Variants in CACNA1A observed in about 807,000 individuals in gnomAD.
The protein encoded by CACNA1A is calcium voltage-gated channel subunit alpha1 A, also known as voltage-dependent P/Q-type calcium channel subunit alpha-1A.
Under a neutral mutation model 262.4 loss-of-function variants are expected in CACNA1A, and 57 were observed. The observed-to-expected ratio is 0.22, with a 90% CI of 0.18 to 0.27. The LOEUF is 0.27. CACNA1A is among the 10% of genes least tolerant of loss of function. The pLI is 1.00. For synonymous variants in CACNA1A, 1,431 were observed against 1,419.3 expected (o/e 1.01, Z -0.18); for missense variants, 2,526 against 3,562.8 (o/e 0.71, Z 7.41).
At chr19:13,384,775 T>G (rs1186817810) in intron 3 of CACNA1A, among the ~76,000 whole-genome samples, 1 of 152,128 alleles carries the variant, frequency 6.6e-6, no homozygotes, top group Non-Finnish European at 1.5e-5. Context: ...GAGAGGTCAC[T>G]GGTCTCCAGG....
chr19:13,381,248 A>T (rs2059519305), intron 3 of CACNA1A, among the ~76,000 whole-genome samples: 1 of 152,072 alleles, frequency 6.6e-6, no homozygotes, highest in Non-Finnish European at 1.5e-5. Context: ...AATTAAAAAA[A>T]TGGGCGGGGC....
At chr19:13,285,310 A>C in intron 20 of CACNA1A, 104 bp from the exon 21 acceptor site, 2 of 1,293,668 alleles carry the variant, frequency 1.5e-6, no homozygotes, top group African/African-American at 2.9e-5. Context: ...TGACATTTCT[A>C]AAGTGCCTGC....
intron 3 of CACNA1A, among the ~76,000 whole-genome samples, chr19:13,413,899 G>GA (rs1393519384): frequency 0.025 from 795 of 31,988 alleles, 32 homozygotes; most frequent in East Asian, 0.066. Context: ...GAAAGAAAAA[G>GA]AAAGAAAGAA....
At chr19:13,375,481 G>A (rs1358104765) in intron 3 of CACNA1A, among the ~76,000 whole-genome samples, 1 of 152,100 alleles carries the variant, frequency 6.6e-6, no homozygotes, top group Non-Finnish European at 1.5e-5. Flanking sequence ...ACACAGTGAG[G>A]AAGGCGTGTC....
chr19:13,433,436 C>T (rs897594540), intron 3 of CACNA1A, among the ~76,000 whole-genome samples: 3 of 126,022 alleles, frequency 2.4e-5, no homozygotes, highest in East Asian at 5.0e-4. Context: ...ACTCCAGCCT[C>T]GGCAACAAAG....
At chr19:13,268,945 T>C (rs1436234643) in intron 24 of CACNA1A, among the ~76,000 whole-genome samples, 1 of 144,818 alleles carries the variant, frequency 6.9e-6, no homozygotes, top group Non-Finnish European at 1.5e-5. Flanking sequence ...GTTGCCAGGC[T>C]GCCTCAGCCT....
At chr19:13,283,126 C>T in intron 22 of CACNA1A, 141 bp downstream of exon 22, 2 of 966,202 alleles carry the variant, frequency 2.1e-6, no homozygotes, top group Non-Finnish European at 3.0e-6. Context: ...TCAGAGCTTC[C>T]CCTCTCAACC....
At chr19:13,391,652 T>C (rs183398072) in intron 3 of CACNA1A, among the ~76,000 whole-genome samples, 2 of 152,162 alleles carry the variant, frequency 1.3e-5, no homozygotes, top group Non-Finnish European at 2.9e-5. Flanking sequence ...GTCCTAGCAC[T>C]TTGGGAGGCT....
rs780908964 is a variant in CACNA1A at position 13,294,487 on chromosome 19, C to CTTT, written c.3089+4054_3089+4056dup. Among the ~76,000 whole-genome samples the CTTT allele has an allele frequency of 1.8e-3, 128 of 72,524 alleles. 16 individuals are homozygous for CTTT. Among genetic ancestry groups the CTTT allele is most frequent in the African/African-American group, 7.1e-3 (109 of 15,308 alleles). The allele number at this position is 72,524 out of a possible 152,430, so 47.6% of individuals were successfully genotyped here. A position where few individuals can be genotyped will look rare whatever the true frequency, so the allele number is the denominator to read the frequency against. On this transcript the variant is annotated intron_variant, in intron 19 of 46. Transcript: ENST00000360228. The stretch of plus-strand genomic sequence containing the variant: ...TACAGGTGCATACCACTGTACCTGG[C>CTTT]TTTTTTTTTTTTTTTTTTTTTTTGA...
Position 13,238,911 on chromosome 19 carries a change from C to T in CACNA1A, c.4951-3181G>A, listed in dbSNP as rs113727918. Reference sequence around the variant, plus strand: ...CTATCTCCCAGTTTTAAGCCAGACCCGACTGCTCCCAGGCACCTCATCTCA... The same window carrying T: ...CTATCTCCCAGTTTTAAGCCAGACCTGACTGCTCCCAGGCACCTCATCTCA... On this transcript the variant is annotated intron_variant, in intron 31 of 46. Coordinates refer to ENST00000360228, the MANE Select transcript of CACNA1A (RefSeq NM_001127222.2). Among the ~76,000 whole-genome samples, 192 of 152,108 alleles carry T rather than the reference C, an allele frequency of 1.3e-3. 3 individuals are homozygous for T. Among genetic ancestry groups the T allele is most frequent in the African/African-American group, 4.5e-3 (185 of 41,532 alleles).
At chr19:13,223,265 C>T (rs2055304296) in intron 38 of CACNA1A, among the ~76,000 whole-genome samples, 1 of 152,132 alleles carries the variant, frequency 6.6e-6, no homozygotes, top group South Asian at 2.1e-4. Flanking sequence ...GTGATCTCGG[C>T]TCACTGCAAC....
chr19:13,402,873 C>CATATATATATATATAT (rs71170507), intron 3 of CACNA1A, among the ~76,000 whole-genome samples: 1 of 72,824 alleles, frequency 1.4e-5, no homozygotes, highest in Admixed American at 1.6e-4. Context: ...CACACACACA[C>CATATATATATATATAT]ATATATATAT....
rs1389225029 is a variant in CACNA1A, at chr19:13,291,678, G to A, written c.3090-4712C>T. 4.6e-5 allele frequency among the ~76,000 whole-genome samples: 7 copies of A among 150,788 alleles called. No homozygotes were observed. The South Asian group carries it at 1.3e-3, about 27-fold the overall frequency. ...AAAAATTAGCTGGGCGTAGTTGCAC[G>A]AGACTGTTGTTCCAGTTACTTGGGA... On this transcript the variant is annotated intron_variant, in intron 19 of 46. Coordinates refer to ENST00000360228, the MANE Select transcript of CACNA1A (RefSeq NM_001127222.2).
At chr19:13,312,443 G>A (rs191101136) in intron 12 of CACNA1A, among the ~76,000 whole-genome samples, 78 of 152,298 alleles carry the variant, frequency 5.1e-4, no homozygotes, top group Non-Finnish European at 5.3e-4. Context: ...CCCCCACTTA[G>A]CTTTCCAAAG....
chr19:13,212,639 T>C lies in CACNA1A; in HGVS notation c.6042A>G (p.Gly2014=). The change falls in exon 41 of 47, where the codon GGA becomes GGG. Residue 2014 remains glycine (G), a synonymous_variant. Transcript: ENST00000360228. This position sits in a 1 kb window ranked among gnomAD's most constrained non-coding sequence, Gnocchi z 5.6. ...NALPSTQLDP[G]GALMAHESGL... ...GCAGGGGTGACACTCACAGGGCTCCTCCTGGGTCCAGCTGGGTGGAGGGGA... is the reference window on the plus strand; with the variant it reads ...GCAGGGGTGACACTCACAGGGCTCCCCCTGGGTCCAGCTGGGTGGAGGGGA... The C allele has an allele frequency of 6.6e-7, 1 of 1,520,742 alleles. No homozygotes were observed. Among genetic ancestry groups the C allele is most frequent in the Non-Finnish European group, 8.8e-7 (1 of 1,130,366 alleles). 94.2% of individuals were successfully genotyped at this position (1,520,742 alleles called of 1,614,324 possible).
At chr19:13,486,360 T>C (rs1231259828) in intron 1 of CACNA1A, among the ~76,000 whole-genome samples, 2 of 81,226 alleles carry the variant, frequency 2.5e-5, no homozygotes, top group South Asian at 8.0e-4. Flanking sequence ...TCTCTAGGTT[T>C]GTTCTGTCTC....
chr19:13,378,401 C>A (rs1318407961), intron 3 of CACNA1A, among the ~76,000 whole-genome samples: 1 of 152,128 alleles, frequency 6.6e-6, no homozygotes, highest in Non-Finnish European at 1.5e-5. Flanking sequence ...GAAAAAAGTT[C>A]TACTGTGGGT....
chr19:13,264,433 T>G (rs4926245), intron 24 of CACNA1A, among the ~76,000 whole-genome samples: 4 of 152,242 alleles, frequency 2.6e-5, no homozygotes, highest in Admixed American at 6.5e-5. Context: ...GCCAATGACC[T>G]TGTCACTCTT....
At chr19:13,427,523 C>A (rs2060426079) in intron 3 of CACNA1A, among the ~76,000 whole-genome samples, 1 of 151,880 alleles carries the variant, frequency 6.6e-6, no homozygotes. Flanking sequence ...CTGCTAGAAG[C>A]TGGAATGCAG....
Sources: allele counts gnomAD v4.1 joint callset (sites outside exome capture counted in the v4.1 genomes callset), GRCh38; gene constraint gnomAD v4.1.1; non-coding constraint Gnocchi (gnomAD v3.1); transcripts MANE v1.5; gene names NCBI Gene and HGNC (gene_info 2026-07-23, HGNC 2026-07-21).